The following CALN1 variants were observed in gnomAD, a reference collection of about 807,000 sequenced individuals.
The protein encoded by CALN1 is calneuron 1.
In CALN1, 17 loss-of-function variants were observed where a neutral mutation model predicts 30.6. That is an observed-to-expected ratio of 0.56 (90% CI 0.38 to 0.83). CALN1 has a LOEUF of 0.83. Among genes scored for constraint, CALN1 ranks in the 40% least tolerant of loss-of-function variants. CALN1 has a pLI of 0.00. For missense variants in CALN1, 291 were observed against 354.9 expected (o/e 0.82, Z 1.45); for synonymous variants, 156 against 131.4 (o/e 1.19, Z -1.28).
chr7:71,834,172 T>C (rs1461229644), intron 5 of CALN1, among the ~76,000 whole-genome samples: 1 of 125,338 alleles, frequency 8.0e-6, no homozygotes, highest in Non-Finnish European at 1.6e-5. Context: ...CAGTGAGCCA[T>C]CATGCCACTG....
At chr7:72,313,355 A>G (rs112009544) in intron 2 of CALN1, among the ~76,000 whole-genome samples, 3 of 152,298 alleles carry the variant, frequency 2.0e-5, no homozygotes, top group African/African-American at 4.8e-5. Flanking sequence ...TTACATCCCT[A>G]TATCCTACCA....
chr7:71,862,352 C>A (rs1390319505), intron 5 of CALN1, among the ~76,000 whole-genome samples: 1 of 152,128 alleles, frequency 6.6e-6, no homozygotes, highest in African/African-American at 2.4e-5. Flanking sequence ...TAGGAGGGAC[C>A]CAGTGGAAGG....
At chr7:72,202,242 A>G (rs1585152092) in intron 3 of CALN1, among the ~76,000 whole-genome samples, 2 of 152,220 alleles carry the variant, frequency 1.3e-5, no homozygotes, top group African/African-American at 4.8e-5. Flanking sequence ...TATTAAGAAT[A>G]CACTTGAGAA....
chr7:71,881,441 T>C (rs1251791680), intron 5 of CALN1, among the ~76,000 whole-genome samples: 1 of 152,224 alleles, frequency 6.6e-6, no homozygotes, highest in Admixed American at 6.5e-5. Context: ...GTCTTCACCT[T>C]TGAAATAGCC....
chr7:72,242,072 T>C (rs1006885474), intron 3 of CALN1, among the ~76,000 whole-genome samples: 7 of 152,188 alleles, frequency 4.6e-5, no homozygotes, highest in African/African-American at 1.7e-4. Context: ...CAACCACCCT[T>C]CTACTTCCTA....
chr7:71,819,007 C>T (rs1016437098), intron 5 of CALN1, among the ~76,000 whole-genome samples: 13 of 151,724 alleles, frequency 8.6e-5, no homozygotes, highest in Admixed American at 5.3e-4. Flanking sequence ...AGCACCCACC[C>T]GACCAGCTTA....
chr7:71,961,792 G>C (rs1336401171), intron 5 of CALN1, among the ~76,000 whole-genome samples: 1 of 152,090 alleles, frequency 6.6e-6, no homozygotes, highest in Non-Finnish European at 1.5e-5. Flanking sequence ...AAGAGAGAGG[G>C]CAGGGTCCTC....
intron 6 of CALN1, among the ~76,000 whole-genome samples, chr7:71,802,733 G>A (rs1787379776): frequency 6.6e-6 from 1 of 152,154 alleles, no homozygotes; most frequent in Non-Finnish European, 1.5e-5. Context: ...TAACACAAAA[G>A]TATATCAAGC....
At chr7:72,270,974 G>A (rs375917929) in intron 3 of CALN1, among the ~76,000 whole-genome samples, 125 of 152,294 alleles carry the variant, frequency 8.2e-4, no homozygotes, top group African/African-American at 2.9e-3. Context: ...GGTCAGAGAG[G>A]AAGGAAGACT....
intron 6 of CALN1, among the ~76,000 whole-genome samples, chr7:71,801,428 G>GTATCTATCTATCTATCTATCTATCTATC (rs58500083): frequency 1.3e-4 from 11 of 87,728 alleles, no homozygotes; most frequent in East Asian, 7.1e-4. Flanking sequence ...ATGTATGTAT[G>GTATCTATCTATCTATCTATCTATCTATC]TATCTATCTA....
intron 4 of CALN1, among the ~76,000 whole-genome samples, chr7:72,048,450 G>A (rs1802622580): frequency 6.6e-6 from 1 of 152,150 alleles, no homozygotes; most frequent in Admixed American, 6.6e-5. Flanking sequence ...AAATAACAGG[G>A]AAGGGGTAGG....
intron 2 of CALN1, among the ~76,000 whole-genome samples, chr7:72,347,283 T>C (rs1802699788): frequency 6.6e-6 from 1 of 151,924 alleles, no homozygotes; most frequent in Admixed American, 6.6e-5. Flanking sequence ...GTTCCCCTCT[T>C]TTTGCCCAGG....
At chr7:72,381,436 C>G (rs1213236900) in intron 2 of CALN1, among the ~76,000 whole-genome samples, 1 of 152,068 alleles carries the variant, frequency 6.6e-6, no homozygotes, top group Admixed American at 6.5e-5. Flanking sequence ...GGAACCAACC[C>G]AAATGCCCAT....
intron 3 of CALN1, among the ~76,000 whole-genome samples, chr7:72,234,444 GTTTT>G (rs1794340218): frequency 6.6e-6 from 1 of 151,782 alleles, no homozygotes; most frequent in Non-Finnish European, 1.5e-5. Flanking sequence ...TTTTTGTTTT[GTTTT>G]GTTTTTTTGT....
chr7:71,951,518 G>A (rs973382830), intron 5 of CALN1, among the ~76,000 whole-genome samples: 8 of 152,192 alleles, frequency 5.3e-5, no homozygotes, highest in African/African-American at 1.9e-4. Flanking sequence ...TTGAACCCAG[G>A]AGGCGGAGGT....
chr7:72,034,074 C>T (rs755716265), intron 4 of CALN1, among the ~76,000 whole-genome samples: 6 of 152,116 alleles, frequency 3.9e-5, no homozygotes, highest in Non-Finnish European at 8.8e-5. Context: ...GAACAACAGG[C>T]CAGGTGCGGT....
At chr7:72,216,726 T>C (rs1442691428) in intron 3 of CALN1, among the ~76,000 whole-genome samples, 1 of 152,146 alleles carries the variant, frequency 6.6e-6, no homozygotes, top group Non-Finnish European at 1.5e-5. Context: ...CCCTGAGCTC[T>C]TTCTCCAAAA....
intron 5 of CALN1, among the ~76,000 whole-genome samples, chr7:71,978,424 C>A (rs1194497435): frequency 5.3e-5 from 8 of 151,740 alleles, no homozygotes; most frequent in Admixed American, 4.6e-4. Flanking sequence ...GGCACCCCCC[C>A]ACCACGCCCA....
chr7:71,862,474 T>C (rs56317682), intron 5 of CALN1, among the ~76,000 whole-genome samples: 26,254 of 152,212 alleles, frequency 0.17, 2,738 homozygotes, highest in Non-Finnish European at 0.23. Flanking sequence ...CTCTTGCCTG[T>C]TGCCATGTAA....
Sources: gnomAD v4.1 joint callset for allele counts (sites outside exome capture counted in the v4.1 genomes callset) on GRCh38, gnomAD v4.1.1 for gene constraint, MANE v1.5 for transcripts, NCBI Gene and HGNC (gene_info 2026-07-23, HGNC 2026-07-21) for gene names.